Variants in CHUK observed in about 807,000 individuals in gnomAD.
The protein encoded by CHUK is component of inhibitor of nuclear factor kappa B kinase complex.
Under a neutral mutation model 104.8 loss-of-function variants are expected in CHUK, and 35 were observed. The ratio of observed to expected loss-of-function variants is 0.33; its 90% confidence interval spans 0.26 to 0.44. CHUK has a LOEUF of 0.44. Among genes scored for constraint, CHUK ranks in the 20% least tolerant of loss-of-function variants. CHUK has a pLI of 1.00. For synonymous variants in CHUK, 276 were observed against 291.9 expected (o/e 0.95, Z 0.56); for missense variants, 663 against 902.7 (o/e 0.73, Z 3.40).
downstream of CHUK, chr10:100,186,370 C>G (rs1844995083): frequency 4.0e-6 from 1 of 248,102 alleles, no homozygotes; most frequent in African/African-American, 2.2e-5. Flanking sequence ...CGGAGCCCCA[C>G]TGTGTGGCAC....
intron 16 of CHUK, among the ~76,000 whole-genome samples, chr10:100,198,839 A>T (rs923523243): frequency 6.6e-6 from 1 of 152,168 alleles, no homozygotes; most frequent in African/African-American, 2.4e-5. Context: ...TTTAACATGC[A>T]TTTAAGTATA....
intron 10 of CHUK, among the ~76,000 whole-genome samples, chr10:100,209,257 C>G (rs1481881424): frequency 6.6e-6 from 1 of 152,180 alleles, no homozygotes; most frequent in Non-Finnish European, 1.5e-5. Flanking sequence ...TCCAGGCCTT[C>G]TACCTGTAAC....
intron 5 of CHUK, among the ~76,000 whole-genome samples, 163 bp from the exon 6 acceptor site, chr10:100,219,522 T>C (rs1845938230): frequency 6.6e-6 from 1 of 152,208 alleles, no homozygotes; most frequent in South Asian, 2.1e-4. Context: ...TAACTAGGCA[T>C]GTGATCTACC....
chr10:100,209,646 T>C lies in CHUK; in HGVS notation c.1077A>G (p.Gly359=), dbSNP rs781174453. 15 of 1,611,058 alleles carry C rather than the reference T, an allele frequency of 9.3e-6. No homozygotes were observed. Among genetic ancestry groups the C allele is most frequent in the Middle Eastern group, 3.3e-4 (2 of 6,056 alleles). Residue 359 remains glycine (G), a synonymous_variant, in exon 10 of 21, where the codon GGA becomes GGG. Transcript: ENST00000370397. ...TGSQELLSET[G]ISLDPRKPAS... ...CTGGTTTCCGAGGATCCAGAGAAAT[T>C]CCTGTCTCTGAAAGAAGTTCTTGAG...
At chr10:100,221,373 T>C (rs1845983395) in intron 4 of CHUK, among the ~76,000 whole-genome samples, 1 of 151,890 alleles carries the variant, frequency 6.6e-6, no homozygotes, top group East Asian at 1.9e-4. Context: ...AGGCAGAGGT[T>C]ACAGTAAGCT....
At chr10:100,198,705 A>G (rs554565946) in intron 16 of CHUK, among the ~76,000 whole-genome samples, 10 of 152,384 alleles carry the variant, frequency 6.6e-5, no homozygotes, top group South Asian at 2.1e-4. Flanking sequence ...TAAAAGCAGT[A>G]TAAGAGGAGA....
At chr10:100,228,993 G>GCACACACACACACACACACA (rs59218517) in intron 1 of CHUK, among the ~76,000 whole-genome samples, 66 of 133,552 alleles carry the variant, frequency 4.9e-4, no homozygotes, top group Middle Eastern at 3.7e-3. Flanking sequence ...GCGCGCGCGC[G>GCACACACACACACACACACA]CACACACACA....
chr10:100,209,523 C>A, intron 10 of CHUK, 72 bp downstream of exon 10: 1 of 905,846 alleles, frequency 1.1e-6, no homozygotes, highest in East Asian at 2.5e-5. Flanking sequence ...TCCAAGTATG[C>A]ATAAAAATTG....
chr10:100,200,849 T>C, intron 14 of CHUK, 69 bp from the exon 15 acceptor site: 2 of 840,962 alleles, frequency 2.4e-6, no homozygotes, highest in African/African-American at 1.7e-5. Flanking sequence ...AAAATTCAGA[T>C]CTTAAGGATA....
In CHUK at chr10:100,209,531, T is replaced by C. The variant is rs372916768; in HGVS notation, c.1128+64A>G. The C allele has an allele frequency of 2.6e-5, 27 of 1,028,326 alleles. No individual in the cohort carries two copies. In the Admixed American group the frequency reaches 3.5e-4, roughly 13 times the overall value. 63.7% of individuals were successfully genotyped at this position (1,028,326 alleles called of 1,614,324 possible). On this transcript the variant is annotated intron_variant, in intron 10 of 20. Coordinates refer to ENST00000370397, the MANE Select transcript of CHUK (RefSeq NM_001278.5). ...AAGGAATTCCAAGTATGCATAAAAA[T>C]TGCAGGGCACGCAATCCCTCTAGAT...
intron 16 of CHUK, among the ~76,000 whole-genome samples, chr10:100,198,313 A>G (rs1845383540): frequency 6.6e-6 from 1 of 152,202 alleles, no homozygotes; most frequent in Non-Finnish European, 1.5e-5. Flanking sequence ...CTTTATGAGT[A>G]CTTCCCATTT....
intron 16 of CHUK, among the ~76,000 whole-genome samples, chr10:100,198,732 A>G (rs955534614): frequency 2.6e-5 from 4 of 152,246 alleles, no homozygotes; most frequent in African/African-American, 9.6e-5. Flanking sequence ...TATTTTTTAA[A>G]TGTGAAAATA....
chr10:100,215,395 A>G (rs1845831788), intron 9 of CHUK, among the ~76,000 whole-genome samples: 1 of 152,188 alleles, frequency 6.6e-6, no homozygotes, highest in African/African-American at 2.4e-5. Flanking sequence ...GGAGTTAGCC[A>G]TATGTAGTTT....
Position 100,204,173 on chromosome 10 carries a change from G to C in CHUK, c.1507+333C>G, listed in dbSNP as rs375243742. ...TCAGAATTTCAACATATGTATTTTG[G>C]GGGGGATACATTCAGTCCACAGCAC... is the stretch of plus-strand genomic sequence containing the variant. On this transcript the variant is annotated intron_variant, in intron 13 of 20. Coordinates refer to ENST00000370397, the MANE Select transcript of CHUK (RefSeq NM_001278.5). 8.5e-5 allele frequency among the ~76,000 whole-genome samples: 13 copies of C among 152,224 alleles called. No homozygotes were observed. The East Asian group carries it at 1.9e-3, about 23-fold the overall frequency.
chr10:100,198,108 A>G (rs763363007), intron 16 of CHUK, among the ~76,000 whole-genome samples: 3 of 152,196 alleles, frequency 2.0e-5, no homozygotes, highest in Non-Finnish European at 2.9e-5. Context: ...AGTGTGCTAT[A>G]CTTTTTATTT....
chr10:100,215,419 T>C (rs974457148), intron 9 of CHUK, among the ~76,000 whole-genome samples: 10 of 151,786 alleles, frequency 6.6e-5, no homozygotes, highest in African/African-American at 1.9e-4. Flanking sequence ...AGTAAAGCTA[T>C]ACAGTTGAAG....
At chr10:100,198,098 A>T (rs1845379191) in intron 16 of CHUK, among the ~76,000 whole-genome samples, 1 of 152,194 alleles carries the variant, frequency 6.6e-6, no homozygotes, top group South Asian at 2.1e-4. Context: ...TAAAGTAATA[A>T]GTGTGCTATA....
chr10:100,225,320 AG>A (rs1240341554), intron 2 of CHUK, among the ~76,000 whole-genome samples: 8 of 152,320 alleles, frequency 5.3e-5, no homozygotes, highest in African/African-American at 1.7e-4. Context: ...TGACTACTCT[AG>A]GTACCACACA....
Position 100,189,433 on chromosome 10 carries a change from C to T in CHUK, c.*165G>A. ...GCTTGAATTACTCAAAACTGTTATA[C>T]TTGTAAAATCATGTTCTTCTGATCA... On this transcript the variant is annotated 3_prime_UTR_variant, in exon 21 of 21. Coordinates refer to ENST00000370397, the MANE Select transcript of CHUK (RefSeq NM_001278.5). 6.2e-6 allele frequency: 4 copies of T among 640,712 alleles called. No homozygotes were observed. Among genetic ancestry groups the T allele is most frequent in the Non-Finnish European group, 1.1e-5 (4 of 351,924 alleles). The allele number at this position is 640,712 out of a possible 1,614,324, so 39.7% of individuals were successfully genotyped here. A position where few individuals can be genotyped will look rare whatever the true frequency, so the allele number is the denominator to read the frequency against.
Sources: gnomAD v4.1 joint callset for allele counts (sites outside exome capture counted in the v4.1 genomes callset) on GRCh38, gnomAD v4.1.1 for gene constraint, MANE v1.5 for transcripts, NCBI Gene and HGNC (gene_info 2026-07-23, HGNC 2026-07-21) for gene names.